CSNK2A1: variants seen among roughly 807,000 people sequenced by gnomAD.
CSNK2A1 encodes casein kinase 2 alpha 1.
Under a neutral mutation model 62.9 loss-of-function variants are expected in CSNK2A1, and 10 were observed. The observed-to-expected ratio is 0.16, with a 90% CI of 0.10 to 0.27. The LOEUF (loss-of-function observed/expected upper bound fraction) is 0.27. CSNK2A1 is among the 10% of genes least tolerant of loss of function. The pLI is 1.00. For missense variants in CSNK2A1, 160 were observed against 492.0 expected, an observed-to-expected ratio of 0.33 and a Z score of 6.38; for synonymous variants, 124 against 167.8, an observed-to-expected ratio of 0.74 and a Z score of 2.02.
Position 482,191 on chromosome 20 carries a change from A to C in CSNK2A1, c.*1770T>G, listed in dbSNP as rs2017967951. The C allele has an allele frequency of 1.3e-5, 2 of 152,228 alleles. No homozygotes were observed. Among genetic ancestry groups the C allele is most frequent in the South Asian group, 4.1e-4 (2 of 4,822 alleles). The allele number at this position is 152,228 out of a possible 1,614,324, so 9.4% of individuals were successfully genotyped here. A position where few individuals can be genotyped will look rare whatever the true frequency, so the allele number is the denominator to read the frequency against. On this transcript the variant is annotated 3_prime_UTR_variant, in exon 14 of 14. Coordinates refer to ENST00000217244, the MANE Select transcript of CSNK2A1 (RefSeq NM_177559.3). ...GATGCCTAGGCGAGAAAGGCCTGTGAATCTATAAGGTAGGAGAATGGGGAA... is the reference window on the plus strand; with the variant it reads ...GATGCCTAGGCGAGAAAGGCCTGTGCATCTATAAGGTAGGAGAATGGGGAA...
chr20:499,763 A>T lies in CSNK2A1; in HGVS notation c.315+70T>A. The T allele has an allele frequency of 1.4e-6, 2 of 1,436,024 alleles. No homozygotes were observed. Among genetic ancestry groups the T allele is most frequent in the Non-Finnish European group, 9.8e-7 (1 of 1,024,430 alleles). The allele number at this position is 1,436,024 out of a possible 1,614,324, so 89.0% of individuals were successfully genotyped here. On this transcript the variant is annotated intron_variant, in intron 5 of 13. Coordinates refer to ENST00000217244, the MANE Select transcript of CSNK2A1 (RefSeq NM_177559.3). The surrounding 1 kb of genome is among the most constrained non-coding windows in gnomAD (Gnocchi z 4.2). ...GAGGGTTGGGGGAGGGAACAAAAAGAGGCCAGTTGTGCTCCAGGTCAAACA... is the reference window on the plus strand; with the variant it reads ...GAGGGTTGGGGGAGGGAACAAAAAGTGGCCAGTTGTGCTCCAGGTCAAACA...
chr20:538,689 T>C (rs577329110), intron 1 of CSNK2A1, among the ~76,000 whole-genome samples: 1 of 152,320 alleles, frequency 6.6e-6, no homozygotes, highest in South Asian at 2.1e-4. Flanking sequence ...AAGTTTGAGC[T>C]GAGCTGGGGT....
At chr20:495,977 CAA>C in intron 7 of CSNK2A1, 175 bp from the exon 8 acceptor site, 1 of 570,444 alleles carries the variant, frequency 1.8e-6, no homozygotes, top group Non-Finnish European at 3.2e-6. Flanking sequence ...CACAGTCAAG[CAA>C]ACTCAGCTCT....
chr20:489,403 G>A (rs2018168454), intron 10 of CSNK2A1: 1 of 277,050 alleles, frequency 3.6e-6, no homozygotes, highest in African/African-American at 2.2e-5. Context: ...GGGAAGTGGA[G>A]TTAGTTTAAG....
At chr20:500,084 C>T in intron 4 of CSNK2A1, 150 bp from the exon 5 acceptor site, 1 of 621,122 alleles carries the variant, frequency 1.6e-6, no homozygotes, top group South Asian at 2.0e-5. Context: ...CTGAATCCTT[C>T]TCCTAGCACT....
chr20:499,726 GGACTTAAT>G lies in CSNK2A1; in HGVS notation c.315+99_315+106del. 2 of 1,027,144 alleles carry G rather than the reference GGACTTAAT, an allele frequency of 1.9e-6. No homozygotes were observed. Among genetic ancestry groups the G allele is most frequent in the Non-Finnish European group, 3.0e-6 (2 of 665,072 alleles). The allele number at this position is 1,027,144 out of a possible 1,614,324, so 63.6% of individuals were successfully genotyped here. ...TATCTGATTAAGCACTTTCAAAGCA[GGACTTAAT>G]GATGAGGGTTGGGGGAGGGAACAAA... On this transcript the variant is annotated intron_variant, in intron 5 of 13. Coordinates refer to ENST00000217244, the MANE Select transcript of CSNK2A1 (RefSeq NM_177559.3). This position sits in a 1 kb window ranked among gnomAD's most constrained non-coding sequence, Gnocchi z 4.2.
intron 1 of CSNK2A1, among the ~76,000 whole-genome samples, chr20:529,053 T>C (rs1416140478): frequency 1.3e-5 from 2 of 152,156 alleles, no homozygotes; most frequent in South Asian, 4.1e-4. Flanking sequence ...TCCATGTTTG[T>C]TTTTAGAGAC....
intron 2 of CSNK2A1, among the ~76,000 whole-genome samples, chr20:517,389 C>A (rs1401615383): frequency 1.3e-5 from 2 of 152,216 alleles, no homozygotes; most frequent in African/African-American, 2.4e-5. Context: ...GAAATGTGTG[C>A]CTGACTGCCA....
At chr20:511,204 A>G (rs957624486) in intron 2 of CSNK2A1, among the ~76,000 whole-genome samples, 4 of 151,930 alleles carry the variant, frequency 2.6e-5, no homozygotes, top group African/African-American at 7.3e-5. Context: ...GCCAGGTGTG[A>G]TGGTGTCTGC....
chr20:531,321 T>C (rs1568564915), intron 1 of CSNK2A1, among the ~76,000 whole-genome samples: 1 of 152,176 alleles, frequency 6.6e-6, no homozygotes, highest in Non-Finnish European at 1.5e-5. Context: ...AACTGGCTCT[T>C]TTAACAGACA....
Position 508,658 on chromosome 20 carries a change from A to C in CSNK2A1, c.-107T>G. The C allele has an allele frequency of 2.1e-6, 2 of 965,444 alleles. No individual in the cohort carries two copies. Among genetic ancestry groups the C allele is most frequent in the Non-Finnish European group, 3.1e-6 (2 of 642,990 alleles). 59.8% of individuals were successfully genotyped at this position (965,444 alleles called of 1,614,324 possible). On this transcript the variant is annotated splice_region_variant and 5_prime_UTR_variant, in exon 3 of 14. Coordinates refer to ENST00000217244, the MANE Select transcript of CSNK2A1 (RefSeq NM_177559.3). ...ACCTTGTTTCAGACCTGTTTTCTTC[A>C]AACTGCAGAAACAAAATGCACAAAG... is the stretch of plus-strand genomic sequence containing the variant.
rs1291319632 is a variant in CSNK2A1 at position 543,787 on chromosome 20, G to C, written c.-342C>G. On this transcript the variant is annotated 5_prime_UTR_variant, in exon 1 of 14. Transcript: ENST00000217244. Reference sequence around the variant, plus strand: ...CCGCCAGCCGCAGGGACCAGAGCGAGGCTGCAGCCGCTGCTGCCGGAAGCG... The same window carrying C: ...CCGCCAGCCGCAGGGACCAGAGCGACGCTGCAGCCGCTGCTGCCGGAAGCG... The C allele has an allele frequency of 1.0e-5, 4 of 398,502 alleles. No individual in the cohort carries two copies. Among genetic ancestry groups the C allele is most frequent in the East Asian group, 7.1e-5 (2 of 28,062 alleles). 24.7% of individuals were successfully genotyped at this position (398,502 alleles called of 1,614,324 possible).
Position 478,863 on chromosome 20 carries a change from G to C in CSNK2A1, c.*5098C>G. Reference sequence around the variant, plus strand: ...GATCACCTGAGCCTGGGAGGTTGAGGCTGCAGTGAGCTGTGATGGCGCTAC... The same window carrying C: ...GATCACCTGAGCCTGGGAGGTTGAGCCTGCAGTGAGCTGTGATGGCGCTAC... On this transcript the variant is annotated 3_prime_UTR_variant, in exon 14 of 14. Transcript: ENST00000217244. 7.9e-6 allele frequency: 2 copies of C among 253,042 alleles called. No individual in the cohort carries two copies. The highest frequency in any genetic ancestry group is 6.6e-5 in the South Asian group (2 of 30,486). 15.7% of individuals were successfully genotyped at this position (253,042 alleles called of 1,614,324 possible).
At chr20:497,266 GC>G (rs1206517266) in intron 7 of CSNK2A1, among the ~76,000 whole-genome samples, 6 of 152,062 alleles carry the variant, frequency 3.9e-5, no homozygotes, top group Admixed American at 2.6e-4. Flanking sequence ...TCCTGTCACA[GC>G]CTCCCAAGTA....
rs2017873607 is a variant in CSNK2A1, at chr20:477,622, T to A, written c.*6339A>T. 6.6e-6 allele frequency: 1 copy of A among 152,334 alleles called. No homozygotes were observed. Among genetic ancestry groups the A allele is most frequent in the Admixed American group, 6.5e-5 (1 of 15,280 alleles). 9.4% of individuals were successfully genotyped at this position (152,334 alleles called of 1,614,324 possible). A position where few individuals can be genotyped will look rare whatever the true frequency, so the allele number is the denominator to read the frequency against. On this transcript the variant is annotated 3_prime_UTR_variant, in exon 14 of 14. Coordinates refer to ENST00000217244, the MANE Select transcript of CSNK2A1 (RefSeq NM_177559.3). ...CCCGGGAGTCTGTGTCCTATCTCCCTGGGGGCATTCAAACCCTAGTCCATA... is the reference window on the plus strand; with the variant it reads ...CCCGGGAGTCTGTGTCCTATCTCCCAGGGGGCATTCAAACCCTAGTCCATA...
intron 1 of CSNK2A1, among the ~76,000 whole-genome samples, chr20:529,315 T>C (rs895681282): frequency 6.6e-6 from 1 of 152,138 alleles, no homozygotes; most frequent in South Asian, 2.1e-4. Context: ...CATGAGCCAT[T>C]GCACCCAGCC....
chr20:510,970 C>T (rs1299984484), intron 2 of CSNK2A1, among the ~76,000 whole-genome samples: 3 of 152,062 alleles, frequency 2.0e-5, no homozygotes, highest in African/African-American at 4.8e-5. Context: ...GATGCTCCCA[C>T]CACAGCCTCC....
chr20:542,246 T>C (rs2019465524), intron 1 of CSNK2A1, among the ~76,000 whole-genome samples: 1 of 152,198 alleles, frequency 6.6e-6, no homozygotes, highest in Non-Finnish European at 1.5e-5. Flanking sequence ...ACTCACAAGC[T>C]AGAAAATACC....
rs1232462258 is a variant in CSNK2A1, at chr20:479,427, G to A, written c.*4534C>T. ...CCAAAAAAGGGCAAAAAGGGGGCTT[G>A]GTCTGTATTGGCAATGGAAATTCAA... On this transcript the variant is annotated 3_prime_UTR_variant, in exon 14 of 14. Coordinates refer to ENST00000217244, the MANE Select transcript of CSNK2A1 (RefSeq NM_177559.3). The A allele has an allele frequency of 6.6e-6, 1 of 152,172 alleles. No individual in the cohort carries two copies. The highest frequency in any genetic ancestry group is 1.5e-5 in the Non-Finnish European group (1 of 68,036). The allele number at this position is 152,172 out of a possible 1,614,324, so 9.4% of individuals were successfully genotyped here.
Sources: allele counts gnomAD v4.1 joint callset (sites outside exome capture counted in the v4.1 genomes callset), GRCh38; gene constraint gnomAD v4.1.1; non-coding constraint Gnocchi (gnomAD v3.1); transcripts MANE v1.5; gene names NCBI Gene and HGNC (gene_info 2026-07-23, HGNC 2026-07-21).